EHF: variants seen among roughly 807,000 people sequenced by gnomAD.
EHF encodes the protein ESE3 transcription factor.
In EHF, 14 loss-of-function variants were observed where a neutral mutation model predicts 45.1. That is an observed-to-expected ratio of 0.31 (90% CI 0.21 to 0.49). The LOEUF (loss-of-function observed/expected upper bound fraction) is 0.49. Ranked by LOEUF, EHF falls within the 20% of genes least tolerant of loss-of-function variation. The probability of loss-of-function intolerance (pLI) is 0.99; values close to 1 mark genes in which losing one functional copy is unlikely to be tolerated. For synonymous variants in EHF, 136 were observed against 131.8 expected (o/e 1.03, Z -0.22); for missense variants, 282 against 371.4 (o/e 0.76, Z 1.98).
chr11:34,637,682 T>C (rs758565850), intron 1 of EHF, among the ~76,000 whole-genome samples: 2 of 152,132 alleles, frequency 1.3e-5, no homozygotes, highest in Non-Finnish European at 2.9e-5. Flanking sequence ...CACACAGGGC[T>C]CCTTCTCTTC....
At chr11:34,656,043 G>C (rs948296400) in intron 6 of EHF, among the ~76,000 whole-genome samples, 2 of 142,582 alleles carry the variant, frequency 1.4e-5, no homozygotes, top group Non-Finnish European at 3.0e-5. Context: ...ATCTACTTTG[G>C]TCCTCCCAAT....
chr11:34,628,843 G>A (rs751546153), intron 1 of EHF, among the ~76,000 whole-genome samples: 2 of 152,224 alleles, frequency 1.3e-5, no homozygotes, highest in Non-Finnish European at 2.9e-5. Flanking sequence ...GATGTCACGA[G>A]TGTGCAACCT....
chr11:34,628,717 T>C lies in EHF; in HGVS notation c.-4+7489T>C, dbSNP rs565444392. ...GTCATGTTTAGTTTAATCCTCCCAATGACCTCAGGAGGTAGTGCATGGAAC... is the reference window on the plus strand; with the variant it reads ...GTCATGTTTAGTTTAATCCTCCCAACGACCTCAGGAGGTAGTGCATGGAAC... On this transcript the variant is annotated intron_variant, in intron 1 of 8. Transcript: ENST00000257831. Among the ~76,000 whole-genome samples the C allele has an allele frequency of 1.8e-4, 28 of 152,304 alleles. 1 individual carries two copies. In the South Asian group the frequency reaches 5.6e-3, roughly 30 times the overall value.
intron 4 of EHF, among the ~76,000 whole-genome samples, chr11:34,650,895 T>C (rs1237939874): frequency 6.6e-6 from 1 of 152,168 alleles, no homozygotes; most frequent in African/African-American, 2.4e-5. Flanking sequence ...GGGGCTTCAC[T>C]CTTAAAAGGT....
At chr11:34,632,499 G>A (rs1473791079) in intron 1 of EHF, 1 of 1,532,896 alleles carries the variant, frequency 6.5e-7, no homozygotes, top group Non-Finnish European at 8.7e-7. Flanking sequence ...GTGGAGATTG[G>A]TTTTGGCTCA....
intron 1 of EHF, chr11:34,641,915 C>A (rs1265618594): frequency 6.6e-6 from 1 of 152,090 alleles, no homozygotes; most frequent in Non-Finnish European, 1.5e-5. Context: ...CTTAGGTCAG[C>A]TTGGAAACCC....
intron 1 of EHF, among the ~76,000 whole-genome samples, chr11:34,627,119 TG>T (rs1554953749): frequency 8.9e-5 from 4 of 44,960 alleles, no homozygotes; most frequent in South Asian, 4.8e-4. Context: ...GGTTTGTGTG[TG>T]TGTGTGTGTG....
chr11:34,633,121 C>T (rs1051533287), intron 1 of EHF, among the ~76,000 whole-genome samples: 5 of 152,148 alleles, frequency 3.3e-5, no homozygotes, highest in Non-Finnish European at 7.3e-5. Context: ...AGATCCTCTG[C>T]AAGCGCTATA....
intron 8 of EHF, 48 bp from the exon 9 acceptor site, chr11:34,658,784 A>G (rs1259764655): frequency 1.9e-6 from 3 of 1,606,894 alleles, no homozygotes; most frequent in Non-Finnish European, 2.5e-6. Flanking sequence ...TTATTTACCT[A>G]GCAACCTTCA....
At position 34,657,834 on chromosome 11, in the gene EHF, A is replaced by G. The variant is rs569742963; in HGVS notation, c.608-699A>G. ...AATCCAGAAATTATGAGGAATTAGA[A>G]TGTCTTTATCTGCTCTTTCACATAA... On this transcript the variant is annotated intron_variant, in intron 7 of 8. Coordinates refer to ENST00000257831, the MANE Select transcript of EHF (RefSeq NM_012153.6). Among the ~76,000 whole-genome samples, 9 of 137,208 alleles carry G rather than the reference A, an allele frequency of 6.6e-5. No homozygotes were observed. In the East Asian group the frequency reaches 2.3e-3, roughly 35 times the overall value. The allele number at this position is 137,208 out of a possible 152,430, so 90.0% of individuals were successfully genotyped here.
chr11:34,626,369 T>C (rs548775738), intron 1 of EHF, among the ~76,000 whole-genome samples: 2 of 152,202 alleles, frequency 1.3e-5, no homozygotes, highest in Non-Finnish European at 1.5e-5. Flanking sequence ...TTGGAGAATA[T>C]GGTCATCTTG....
intron 2 of EHF, among the ~76,000 whole-genome samples, chr11:34,644,008 A>G (rs929712020): frequency 1.3e-5 from 2 of 152,170 alleles, no homozygotes; most frequent in African/African-American, 4.8e-5. Context: ...GAGGATGTGA[A>G]CTCATAGGAA....
intron 1 of EHF, among the ~76,000 whole-genome samples, chr11:34,633,816 A>G (rs286913): frequency 0.94 from 143,426 of 152,216 alleles, 67,648 homozygotes; most frequent in Admixed American, 0.95. Context: ...GATCAACTTG[A>G]GTGCCTGCCA....
intron 1 of EHF, among the ~76,000 whole-genome samples, chr11:34,638,149 G>A (rs534663635): frequency 1.6e-4 from 25 of 152,262 alleles, no homozygotes; most frequent in Middle Eastern, 3.4e-3. Context: ...TCATCCACCC[G>A]CCTCGGCCTC....
intron 1 of EHF, chr11:34,631,429 C>A (rs145758163): frequency 8.3e-6 from 2 of 241,434 alleles, no homozygotes; most frequent in Non-Finnish European, 6.7e-6. Context: ...TCCATTTGGG[C>A]GATTTGTTTA....
chr11:34,622,323 C>A, intron 1 of EHF: 1 of 873,784 alleles, frequency 1.1e-6, no homozygotes, highest in Non-Finnish European at 1.6e-6. Context: ...TGGTTATCTG[C>A]ACTCACCTTG....
chr11:34,642,316 C>G, intron 1 of EHF: 4 of 187,980 alleles, frequency 2.1e-5, no homozygotes, highest in Non-Finnish European at 2.2e-5. Flanking sequence ...AAAAAAACTG[C>G]TTGGATGCCA....
intron 2 of EHF, 47 bp downstream of exon 2, chr11:34,642,774 T>A (rs773194156): frequency 7.2e-7 from 1 of 1,383,320 alleles, no homozygotes. Flanking sequence ...CTGTGTGGGC[T>A]CTTTGCTTTA....
At chr11:34,647,018 G>T in intron 3 of EHF, 1 of 325,834 alleles carries the variant, frequency 3.1e-6, no homozygotes, top group South Asian at 1.1e-4. Flanking sequence ...CCAGTCACTT[G>T]CTTGTTAAAA....
Sources: gnomAD v4.1 joint callset for allele counts (sites outside exome capture counted in the v4.1 genomes callset) on GRCh38, gnomAD v4.1.1 for gene constraint, MANE v1.5 for transcripts, NCBI Gene and HGNC (gene_info 2026-07-23, HGNC 2026-07-21) for gene names.